The following PCM1 variants were observed in gnomAD, a reference collection of about 807,000 sequenced individuals.
PCM1 encodes pericentriolar material 1 protein.
Under a neutral mutation model 241.9 loss-of-function variants are expected in PCM1, and 157 were observed. That is an observed-to-expected ratio of 0.65 (90% CI 0.57 to 0.74). The LOEUF is 0.74. PCM1 is among the 30% of genes least tolerant of loss of function. The pLI is 0.00. For missense variants in PCM1, 3,478 were observed against 2,360.1 expected, an observed-to-expected ratio of 1.47 and a Z score of -9.81; for synonymous variants, 1,085 against 784.9, an observed-to-expected ratio of 1.38 and a Z score of -6.39.
intron 29 of PCM1, among the ~76,000 whole-genome samples, chr8:17,999,156 C>T (rs115109512): frequency 6.6e-6 from 1 of 152,022 alleles, no homozygotes; most frequent in Non-Finnish European, 1.5e-5. Context: ...TGTGATCGCT[C>T]TGGTACTTAA....
chr8:18,025,329 AGTAT>A (rs2094113562), intron 36 of PCM1, 28 bp from the exon 37 acceptor site: 2 of 1,107,642 alleles, frequency 1.8e-6, no homozygotes, highest in Non-Finnish European at 2.7e-6. Flanking sequence ...TTGGATCTAG[AGTAT>A]GTATTTTTTT....
intron 3 of PCM1, 103 bp from the exon 4 acceptor site, chr8:17,937,031 T>C: frequency 3.5e-6 from 3 of 862,080 alleles, no homozygotes; most frequent in Non-Finnish European, 5.3e-6. Context: ...AAAAATGTCT[T>C]GTCTTTTTTA....
Position 17,980,698 on chromosome 8 carries a change from A to C in PCM1, c.4051A>C (p.Asn1351His), listed in dbSNP as rs575483307. Reference protein sequence around the residue: ...PVQAKVFSRKNHEQLEKIIKC... With the variant: ...PVQAKVFSRKHHEQLEKIIKC... The stretch of plus-strand genomic sequence containing the variant: ...TCAAGCAAAAGTATTCAGCAGAAAG[A>C]ATCATGAGCAACTGGAAAAAATAAT... Residue 1351 changes from asparagine to histidine, a missense_variant, in exon 24 of 39, where the codon AAT (asparagine) becomes CAT (histidine). Physicochemically the swap from Asn to His is moderately conservative, Grantham distance 68 (BLOSUM62 1). Transcript: ENST00000325083. 3 of 1,613,042 alleles carry C rather than the reference A, an allele frequency of 1.9e-6. No homozygotes were observed. The African/African-American group carries it at 4.0e-5, about 21-fold the overall frequency.
chr8:17,963,001 A>G (rs749810818), intron 16 of PCM1, 100 bp from the exon 17 acceptor site: 35 of 753,544 alleles, frequency 4.6e-5, no homozygotes, highest in Non-Finnish European at 7.0e-5. Context: ...GAATGAGAAT[A>G]GAAACCTTTG....
rs2094383733 is a variant in PCM1 at position 18,028,900 on chromosome 8, C to G, written c.*1238C>G. 5.5e-6 allele frequency: 1 copy of G among 182,386 alleles called. No individual in the cohort carries two copies. Among genetic ancestry groups the G allele is most frequent in the Non-Finnish European group, 1.2e-5 (1 of 85,666 alleles). 11.3% of individuals were successfully genotyped at this position (182,386 alleles called of 1,614,324 possible). On this transcript the variant is annotated 3_prime_UTR_variant, in exon 39 of 39. Transcript: ENST00000325083. ...GGCACCATGGCTCACTCCTGTAATCCCAGCACCTTGGGAGGCCGAGGCGGG... is the reference window on the plus strand; with the variant it reads ...GGCACCATGGCTCACTCCTGTAATCGCAGCACCTTGGGAGGCCGAGGCGGG...
At position 17,956,795 on chromosome 8, in the gene PCM1, G is replaced by T. The variant is rs1421488609; in HGVS notation, c.1646+18G>T. The stretch of plus-strand genomic sequence containing the variant: ...AACATTCGGTAAGAACTTTTCTGGG[G>T]ATGTTTTTCCAGCATATTCATTCTG... On this transcript the variant is annotated intron_variant, in intron 11 of 38. Transcript: ENST00000325083. The T allele has an allele frequency of 2.5e-6, 4 of 1,587,700 alleles. No individual in the cohort carries two copies. In the Admixed American group the frequency reaches 5.2e-5, roughly 20 times the overall value.
intron 24 of PCM1, among the ~76,000 whole-genome samples, chr8:17,984,989 A>G (rs781271580): frequency 3.3e-5 from 5 of 151,944 alleles, no homozygotes; most frequent in Non-Finnish European, 7.4e-5. Flanking sequence ...ACCTTAATCT[A>G]GTAGCTTTCA....
At chr8:17,956,577 C>A (rs1362750276) in intron 10 of PCM1, 27 bp from the exon 11 acceptor site, 3 of 1,441,200 alleles carry the variant, frequency 2.1e-6, no homozygotes, top group East Asian at 2.3e-5. Flanking sequence ...GGGTGTAAAT[C>A]GTATACATAA....
chr8:17,998,412 A>G (rs2024054528), intron 29 of PCM1, among the ~76,000 whole-genome samples: 1 of 152,188 alleles, frequency 6.6e-6, no homozygotes, highest in African/African-American at 2.4e-5. Context: ...TTGCAGACTC[A>G]TAGCGGTATA....
intron 2 of PCM1, among the ~76,000 whole-genome samples, chr8:17,931,030 C>A (rs1356926181): frequency 6.6e-6 from 1 of 152,208 alleles, no homozygotes; most frequent in African/African-American, 2.4e-5. Context: ...ATGGCAATCA[C>A]AGTGTAACAG....
At chr8:18,003,067 AACC>A in intron 29 of PCM1, among the ~76,000 whole-genome samples, 1 of 152,300 alleles carries the variant, frequency 6.6e-6, no homozygotes, top group South Asian at 2.1e-4. Context: ...TTGCTGAGTA[AACC>A]TCTGCCTTAT....
At chr8:17,975,500 G>A (rs938642375) in intron 23 of PCM1, among the ~76,000 whole-genome samples, 9 of 152,086 alleles carry the variant, frequency 5.9e-5, no homozygotes, top group African/African-American at 2.2e-4. Context: ...GTAAATAGAG[G>A]TGGGTGGGGA....
At position 17,938,989 on chromosome 8, in the gene PCM1, C is replaced by T. The variant is rs545019029; in HGVS notation, c.592C>T (p.Pro198Ser). The change falls in exon 5 of 39, where the codon CCT becomes TCT. Residue 198 changes from proline to serine, a missense_variant. Coordinates refer to ENST00000325083, the MANE Select transcript of PCM1 (RefSeq NM_006197.4). ...QVSEEDGRGE[P>S]AMESSQIVSR... ...GTCTGAAGAAGATGGGAGGGGAGAACCTGCAATGGAGAGCAGCCAGGTGAT... is the reference window on the plus strand; with the variant it reads ...GTCTGAAGAAGATGGGAGGGGAGAATCTGCAATGGAGAGCAGCCAGGTGAT... 6 of 1,613,622 alleles carry T rather than the reference C, an allele frequency of 3.7e-6. No homozygotes were observed. In the South Asian group the frequency reaches 5.5e-5, roughly 15 times the overall value.
At chr8:17,943,045 C>A (rs1198178934) in intron 6 of PCM1, among the ~76,000 whole-genome samples, 1 of 151,350 alleles carries the variant, frequency 6.6e-6, no homozygotes, top group Non-Finnish European at 1.5e-5. Context: ...TATAAAAGTG[C>A]ATGTATCTGT....
rs367995490 is a variant in PCM1, at chr8:18,014,737, C to A, written c.5738C>A (p.Pro1913His). 3.1e-6 allele frequency: 5 copies of A among 1,613,282 alleles called. No homozygotes were observed. Among genetic ancestry groups the A allele is most frequent in the Non-Finnish European group, 4.2e-6 (5 of 1,179,820 alleles). Residue 1913 changes from proline (P) to histidine (H), a missense_variant, in exon 36 of 39, where the codon CCC (proline) becomes CAC (histidine). By Grantham distance (77) the Pro-to-His change is moderately conservative. Coordinates refer to ENST00000325083, the MANE Select transcript of PCM1 (RefSeq NM_006197.4). ...PLPLRLPEME[P>H]LVPRVKEVKS... ...CCGTTACGTTTACCTGAAATGGAAC[C>A]CTTAGTGCCTAGAGTCAAAGAAGTT...
rs1375987695 is a variant in PCM1, at chr8:17,974,718, CAAGACA to C, written c.3943+2036_3943+2041del. ...AATATATAATTCAGCCTTTTAACTT[CAAGACA>C]AAGATTGACATTCTGATCTTTGTGC... On this transcript the variant is annotated intron_variant, in intron 23 of 38. Transcript: ENST00000325083. Among the ~76,000 whole-genome samples the C allele has an allele frequency of 5.3e-5, 8 of 152,292 alleles. No homozygotes were observed. The East Asian group carries it at 1.5e-3, about 29-fold the overall frequency.
intron 11 of PCM1, 63 bp from the exon 12 acceptor site, chr8:17,957,201 C>G: frequency 1.5e-6 from 2 of 1,360,264 alleles, no homozygotes; most frequent in Middle Eastern, 2.1e-4. Context: ...CAGTTCTAAA[C>G]TTGGATTTCT....
chr8:17,939,874 C>G lies in PCM1; in HGVS notation c.783+13C>G. 2.2e-6 allele frequency: 3 copies of G among 1,389,382 alleles called. No individual in the cohort carries two copies. Among genetic ancestry groups the G allele is most frequent in the Non-Finnish European group, 3.0e-6 (3 of 1,013,540 alleles). The allele number at this position is 1,389,382 out of a possible 1,614,324, so 86.1% of individuals were successfully genotyped here. ...TAAAAAAATCCTTGTAAGTATTCGA[C>G]TTTTAAAATAACATATTATTTTTGT... On this transcript the variant is annotated intron_variant, in intron 6 of 38. Coordinates refer to ENST00000325083, the MANE Select transcript of PCM1 (RefSeq NM_006197.4).
At chr8:17,937,721 G>A (rs2060814940) in intron 4 of PCM1, among the ~76,000 whole-genome samples, 1 of 152,106 alleles carries the variant, frequency 6.6e-6, no homozygotes, top group African/African-American at 2.4e-5. Context: ...TATATCATTG[G>A]CTAAGTGTGG....
Sources: gnomAD v4.1 joint callset for allele counts (sites outside exome capture counted in the v4.1 genomes callset) on GRCh38, gnomAD v4.1.1 for gene constraint, MANE v1.5 for transcripts, NCBI Gene and HGNC (gene_info 2026-07-23, HGNC 2026-07-21) for gene names.